TENT5D: variants seen among roughly 807,000 people sequenced by gnomAD.
TENT5D encodes the protein terminal nucleotidyltransferase 5D, also known as cancer/testis antigen 112.
For synonymous variants in TENT5D, 103 were observed against 100.6 expected (o/e 1.02, Z -0.15); for missense variants, 191 against 287.0 (o/e 0.67, Z 2.42).
chrX:80,350,496 G>T (rs1315287772), intron 3 of TENT5D, among the ~76,000 whole-genome samples: 1 of 109,371 alleles, frequency 9.1e-6, no homozygotes, highest in African/African-American at 3.3e-5. Flanking sequence ...CTTTCCATTT[G>T]CTTGATAAAT....
intron 3 of TENT5D, among the ~76,000 whole-genome samples, chrX:80,354,100 G>C (rs192065740): frequency 9.0e-6 from 1 of 111,398 alleles, no homozygotes; most frequent in East Asian, 2.8e-4. Flanking sequence ...TTACAAAAGT[G>C]TCTGTGACCC....
intron 3 of TENT5D, among the ~76,000 whole-genome samples, chrX:80,360,773 G>T (rs1021372739): frequency 1.1e-4 from 12 of 111,996 alleles, no homozygotes; most frequent in African/African-American, 3.9e-4. Flanking sequence ...ACTCTTTACT[G>T]ATAACTGTCC....
intron 3 of TENT5D, among the ~76,000 whole-genome samples, chrX:80,408,360 C>A (rs1449674918): frequency 1.8e-5 from 2 of 110,025 alleles, no homozygotes; most frequent in Non-Finnish European, 3.8e-5. Flanking sequence ...GCTAGCAAGA[C>A]TAATAAAGGA....
intron 2 of TENT5D, chrX:80,335,756 G>C (rs1041706302): frequency 9.0e-6 from 1 of 111,464 alleles, no homozygotes; most frequent in Non-Finnish European, 1.9e-5. Flanking sequence ...AATTATAGTC[G>C]TATAAAATAA....
upstream of TENT5D, among the ~76,000 whole-genome samples, chrX:80,419,532 A>C (rs1003955264): frequency 2.7e-5 from 3 of 111,932 alleles, no homozygotes; most frequent in East Asian, 8.4e-4. Context: ...TCCTATATCT[A>C]CCTATTTGCC....
intron 3 of TENT5D, among the ~76,000 whole-genome samples, chrX:80,361,742 A>G (rs1930408724): frequency 8.9e-6 from 1 of 112,210 alleles, no homozygotes; most frequent in African/African-American, 3.2e-5. Flanking sequence ...TTGCAGTGCC[A>G]CCTAATATAG....
chrX:80,362,254 C>T (rs970344550), intron 3 of TENT5D, among the ~76,000 whole-genome samples: 1 of 111,124 alleles, frequency 9.0e-6, no homozygotes, highest in Admixed American at 9.6e-5. Context: ...AGCTCCGCTT[C>T]CTGGGTTCAC....
At chrX:80,408,883 C>A (rs1328700123) in intron 3 of TENT5D, among the ~76,000 whole-genome samples, 1 of 109,866 alleles carries the variant, frequency 9.1e-6, no homozygotes, top group Non-Finnish European at 1.9e-5. Context: ...AGCAGCACAT[C>A]AAAAAGCTTA....
chrX:80,413,427 AG>A (rs1931709697), intron 3 of TENT5D, among the ~76,000 whole-genome samples: 1 of 111,716 alleles, frequency 9.0e-6, no homozygotes, highest in African/African-American at 3.3e-5. Flanking sequence ...TGGAGAGACC[AG>A]GGGCAAAATG....
At chrX:80,390,726 G>T (rs1931107611) in intron 3 of TENT5D, among the ~76,000 whole-genome samples, 1 of 111,015 alleles carries the variant, frequency 9.0e-6, no homozygotes, top group African/African-American at 3.3e-5. Context: ...TGGAGGAATC[G>T]CAGTTTCTAG....
At chrX:80,359,781 A>G (rs1930367772) in intron 3 of TENT5D, among the ~76,000 whole-genome samples, 1 of 111,840 alleles carries the variant, frequency 8.9e-6, no homozygotes, top group Non-Finnish European at 1.9e-5. Context: ...AACTTAAACT[A>G]TATTTTAAAA....
chrX:80,414,397 G>A (rs1931727189), intron 3 of TENT5D, among the ~76,000 whole-genome samples: 1 of 111,663 alleles, frequency 9.0e-6, no homozygotes, highest in Admixed American at 9.5e-5. Flanking sequence ...ACCAAAATGT[G>A]AACCCCAAAT....
intron 3 of TENT5D, among the ~76,000 whole-genome samples, chrX:80,394,502 C>T (rs1353656543): frequency 1.9e-5 from 2 of 104,396 alleles, no homozygotes; most frequent in African/African-American, 7.1e-5. Flanking sequence ...AGTGATTCTC[C>T]TGCCTCAGCC....
intron 3 of TENT5D, among the ~76,000 whole-genome samples, chrX:80,411,492 T>C (rs942241621): frequency 8.9e-6 from 1 of 112,068 alleles, no homozygotes; most frequent in Non-Finnish European, 1.9e-5. Context: ...TTTTCTCATA[T>C]AAAATTATTT....
intron 3 of TENT5D, among the ~76,000 whole-genome samples, chrX:80,410,859 G>T (rs1931645630): frequency 9.4e-6 from 1 of 106,512 alleles, no homozygotes; most frequent in Non-Finnish European, 1.9e-5. Context: ...GTCCAACAAT[G>T]ATAGACTGGA....
At position 80,443,842 on chromosome X, in the gene TENT5D, T is replaced by C. The variant is rs976520267; in HGVS notation, c.*133T>C. 12 of 570,334 alleles carry C rather than the reference T, an allele frequency of 2.1e-5. No individual in the cohort carries two copies. The African/African-American group carries it at 2.3e-4, about 11-fold the overall frequency. The allele number at this position is 570,334 out of a possible 1,213,427, so 47.0% of individuals were successfully genotyped here. A position where few individuals can be genotyped will look rare whatever the true frequency, so the allele number is the denominator to read the frequency against. On this transcript the variant is annotated 3_prime_UTR_variant, in exon 3 of 3. Transcript: ENST00000308293. ...TTATTTTCAATTACAGTTGATGGAA[T>C]AGTAGTTACCAACTATTTTTGATCA...
At chrX:80,377,550 A>G (rs1602197264) in intron 3 of TENT5D, among the ~76,000 whole-genome samples, 1 of 111,389 alleles carries the variant, frequency 9.0e-6, no homozygotes, top group African/African-American at 3.3e-5. Flanking sequence ...CCATGTCCCT[A>G]CAAAGGACAT....
intron 3 of TENT5D, among the ~76,000 whole-genome samples, chrX:80,364,421 A>G (rs1477839612): frequency 9.0e-6 from 1 of 111,383 alleles, no homozygotes; most frequent in Non-Finnish European, 1.9e-5. Context: ...ATTAGTTCCT[A>G]TGGACTCTAC....
rs747168062 is a variant in TENT5D at position 80,444,259 on chromosome X, A to AT, written c.*559dup. 5.2e-3 allele frequency: 626 copies of AT among 121,102 alleles called. 3 individuals carry two copies. The highest frequency in any genetic ancestry group is 0.017 in the African/African-American group (527 of 30,336). The allele number at this position is 121,102 out of a possible 1,213,427, so 10.0% of individuals were successfully genotyped here. A position where few individuals can be genotyped will look rare whatever the true frequency, so the allele number is the denominator to read the frequency against. ...CATTAAAACCCTGGACTTTTCAAGCATTTTTTTTTGACAATTAAATTGGGT... is the reference window on the plus strand; with the variant it reads ...CATTAAAACCCTGGACTTTTCAAGCATTTTTTTTTTGACAATTAAATTGGGT... On this transcript the variant is annotated 3_prime_UTR_variant, in exon 3 of 3. Transcript: ENST00000308293.
Sources: allele counts gnomAD v4.1 joint callset (sites outside exome capture counted in the v4.1 genomes callset), GRCh38; gene constraint gnomAD v4.1.1; transcripts MANE v1.5; gene names NCBI Gene and HGNC (gene_info 2026-07-23, HGNC 2026-07-21).